Variants in CLCN6 observed in about 807,000 individuals in gnomAD.
CLCN6 encodes the protein H(+)/Cl(-) exchange transporter 6.
CLCN6 carries 70 observed loss-of-function variants against 109.8 expected under a neutral mutation model. That is an observed-to-expected ratio of 0.64 (90% CI 0.53 to 0.78). The LOEUF is 0.78. Ranked by LOEUF, CLCN6 falls within the 30% of genes least tolerant of loss-of-function variation. CLCN6 has a pLI of 0.00. For synonymous variants in CLCN6, 444 were observed against 447.8 expected (o/e 0.99, Z 0.11); for missense variants, 984 against 1,142.3 (o/e 0.86, Z 2.00).
At chr1:11,806,534 A>G (rs1431210403) in intron 1 of CLCN6, 185 bp downstream of exon 1, 4 of 492,006 alleles carry the variant, frequency 8.1e-6, no homozygotes, top group African/African-American at 2.0e-5. Context: ...GTCTTTTCTC[A>G]TAACCCCTCC....
intron 13 of CLCN6, 129 bp from the exon 14 acceptor site, chr1:11,833,386 C>G: frequency 1.3e-6 from 1 of 783,418 alleles, no homozygotes; most frequent in South Asian, 1.7e-5. Flanking sequence ...TGGTAGAGGT[C>G]AGTTTTTGGC....
intron 3 of CLCN6, among the ~76,000 whole-genome samples, 155 bp from the exon 4 acceptor site, chr1:11,816,460 T>C (rs1644673593): frequency 6.6e-6 from 1 of 152,224 alleles, no homozygotes; most frequent in South Asian, 2.1e-4. Context: ...GAGTCCATCA[T>C]TTTTGCACTG....
chr1:11,835,483 C>T (rs1644932250), intron 17 of CLCN6, among the ~76,000 whole-genome samples: 1 of 152,132 alleles, frequency 6.6e-6, no homozygotes, highest in African/African-American at 2.4e-5. Context: ...CTGTGTTGCC[C>T]AGGCTGGTTT....
chr1:11,828,647 C>A lies in CLCN6; in HGVS notation c.1121+23C>A, dbSNP rs115875677. ...CAGGTATCTGCACAGTCGCCTCCCCCCCGAGCCTGCTGCGGCTCCCTGAGC... is the reference window on the plus strand; with the variant it reads ...CAGGTATCTGCACAGTCGCCTCCCCACCGAGCCTGCTGCGGCTCCCTGAGC... On this transcript the variant is annotated intron_variant, in intron 12 of 22. Transcript: ENST00000346436. The A allele has an allele frequency of 3.2e-3, 4,981 of 1,574,034 alleles. 7 individuals are homozygous for A. Among genetic ancestry groups the A allele is most frequent in the Non-Finnish European group, 3.8e-3 (4,363 of 1,160,146 alleles).
At chr1:11,830,567 C>T (rs1389482804) in intron 13 of CLCN6, among the ~76,000 whole-genome samples, 1 of 151,380 alleles carries the variant, frequency 6.6e-6, no homozygotes, top group Admixed American at 6.6e-5. Flanking sequence ...CTTGAGCATC[C>T]CTGGATTTTG....
chr1:11,819,553 A>C lies in CLCN6; in HGVS notation c.345A>C (p.Thr115=), dbSNP rs751537921. ...FTQLKFGVVQ[T]SVEECSQKGC... ...AACTCAAGTTCGGAGTGGTACAGAC[A>C]TGTATCCTTTTCACGGTTCCTGGTG... The change falls in exon 5 of 23, where the codon ACA becomes ACC. Residue 115 remains threonine, a splice_region_variant and synonymous_variant. Coordinates refer to ENST00000346436, the MANE Select transcript of CLCN6 (RefSeq NM_001286.5). 1.9e-6 allele frequency: 3 copies of C among 1,613,950 alleles called. No individual in the cohort carries two copies. Among genetic ancestry groups the C allele is most frequent in the Non-Finnish European group, 2.5e-6 (3 of 1,179,944 alleles).
chr1:11,833,863 C>G lies in CLCN6; in HGVS notation c.1373-14C>G, dbSNP rs1406828904. ...CATCCGGTAGTGGGACTCAGGTTGG[C>G]TCTTCCCTTGCAGGTACTTTCAGCC... On this transcript the variant is annotated splice_polypyrimidine_tract_variant and intron_variant, in intron 14 of 22. Transcript: ENST00000346436. 1 of 1,605,686 alleles carries G rather than the reference C, an allele frequency of 6.2e-7. No homozygotes were observed. The highest frequency in any genetic ancestry group is 1.3e-5 in the African/African-American group (1 of 74,458).
At chr1:11,819,611 C>T in intron 5 of CLCN6, 57 bp downstream of exon 5, 2 of 1,486,924 alleles carry the variant, frequency 1.3e-6, no homozygotes, top group Admixed American at 3.3e-5. Flanking sequence ...AAGATTCTTT[C>T]TTACATAGAA....
In CLCN6 at chr1:11,840,285, C is replaced by T. The variant is rs1645003636; in HGVS notation, c.*62C>T. 7.1e-7 allele frequency: 1 copy of T among 1,411,116 alleles called. No homozygotes were observed. The highest frequency in any genetic ancestry group is 1.0e-6 in the Non-Finnish European group (1 of 1,004,104). 87.4% of individuals were successfully genotyped at this position (1,411,116 alleles called of 1,614,324 possible). The stretch of plus-strand genomic sequence containing the variant: ...GGCAAATCATGCTCACTCCGGCGGG[C>T]ACAGCTGGCTGGGGCTGTTCCGGGG... On this transcript the variant is annotated 3_prime_UTR_variant, in exon 23 of 23. Transcript: ENST00000346436.
chr1:11,838,871 G>A (rs549370031), intron 22 of CLCN6: 12 of 748,206 alleles, frequency 1.6e-5, no homozygotes, highest in African/African-American at 1.4e-4. Flanking sequence ...CCCACTGGCC[G>A]TCCTTTCCAG....
rs991740416 is a variant in CLCN6, at chr1:11,819,616, A to G, written c.346+62A>G. 4.1e-6 allele frequency: 6 copies of G among 1,454,994 alleles called. No homozygotes were observed. The African/African-American group carries it at 7.0e-5, about 17-fold the overall frequency. 90.1% of individuals were successfully genotyped at this position (1,454,994 alleles called of 1,614,324 possible). A position where few individuals can be genotyped will look rare whatever the true frequency, so the allele number is the denominator to read the frequency against. ...AGTGGTCACCAAGATTCTTTCTTACATAGAAATGGGTCTAACAGTAAGCAT... is the reference window on the plus strand; with the variant it reads ...AGTGGTCACCAAGATTCTTTCTTACGTAGAAATGGGTCTAACAGTAAGCAT... On this transcript the variant is annotated intron_variant, in intron 5 of 22. Coordinates refer to ENST00000346436, the MANE Select transcript of CLCN6 (RefSeq NM_001286.5).
chr1:11,838,713 G>C, intron 22 of CLCN6, 53 bp downstream of exon 22: 1 of 1,613,866 alleles, frequency 6.2e-7, no homozygotes, highest in Non-Finnish European at 8.5e-7. Flanking sequence ...CCCCTAGCCA[G>C]GTGCTGTTTG....
intron 13 of CLCN6, among the ~76,000 whole-genome samples, chr1:11,831,586 T>C (rs952906850): frequency 1.3e-5 from 2 of 152,254 alleles, no homozygotes; most frequent in Non-Finnish European, 2.9e-5. Flanking sequence ...TTACTAGTTA[T>C]TCCCAAGCCT....
chr1:11,838,594 C>G lies in CLCN6; in HGVS notation c.2463C>G (p.Ser821=). 1 of 1,613,886 alleles carries G rather than the reference C, an allele frequency of 6.2e-7. No homozygotes were observed. The highest frequency in any genetic ancestry group is 8.5e-7 in the Non-Finnish European group (1 of 1,179,756). ...CCGTCTCGCCCAACACCCACGTCTCCCAAGTCTTCAACCTGTTCAGAACGA... is the reference window on the plus strand; with the variant it reads ...CCGTCTCGCCCAACACCCACGTCTCGCAAGTCTTCAACCTGTTCAGAACGA... The part of the protein sequence containing the change: ...PFTVSPNTHV[S]QVFNLFRTMG... Residue 821 remains serine, a synonymous_variant, in exon 22 of 23, where the codon TCC becomes TCG. Coordinates refer to ENST00000346436, the MANE Select transcript of CLCN6 (RefSeq NM_001286.5).
At chr1:11,807,238 GGTCA>G in intron 2 of CLCN6, 48 bp downstream of exon 2, 1 of 1,507,920 alleles carries the variant, frequency 6.6e-7, no homozygotes, top group Non-Finnish European at 9.2e-7. Flanking sequence ...TGAGTGGCCT[GGTCA>G]CTTCAGGCCG....
In CLCN6 at chr1:11,843,049, A is replaced by G. The variant is rs188895394; in HGVS notation, c.*2826A>G. On this transcript the variant is annotated 3_prime_UTR_variant, in exon 23 of 23. Transcript: ENST00000346436. ...AAATTGTATTTTTTTTAATTTGTAA[A>G]ATGCTATTTTTATTTGAACCTTTGG... The G allele has an allele frequency of 1.3e-5, 2 of 152,286 alleles. No individual in the cohort carries two copies. The highest frequency in any genetic ancestry group is 3.9e-4 in the East Asian group (2 of 5,178). 9.4% of individuals were successfully genotyped at this position (152,286 alleles called of 1,614,324 possible). A position where few individuals can be genotyped will look rare whatever the true frequency, so the allele number is the denominator to read the frequency against.
chr1:11,820,422 A>T (rs778663519), intron 5 of CLCN6: 7 of 713,936 alleles, frequency 9.8e-6, no homozygotes, highest in South Asian at 7.4e-5. Flanking sequence ...ATATGTTGTC[A>T]AGAGTGGGGA....
intron 9 of CLCN6, among the ~76,000 whole-genome samples, chr1:11,826,535 G>T (rs1421871864): frequency 6.6e-6 from 1 of 152,200 alleles, no homozygotes; most frequent in Non-Finnish European, 1.5e-5. Flanking sequence ...TGATTCACTT[G>T]GTCAGCCACC....
intron 22 of CLCN6, chr1:11,838,951 T>A: frequency 1.4e-6 from 1 of 709,502 alleles, no homozygotes; most frequent in Non-Finnish European, 2.6e-6. Context: ...ACCACTGGTG[T>A]TCCTTGGTTC....
Sources: allele counts gnomAD v4.1 joint callset (sites outside exome capture counted in the v4.1 genomes callset), GRCh38; gene constraint gnomAD v4.1.1; transcripts MANE v1.5; gene names NCBI Gene and HGNC (gene_info 2026-07-23, HGNC 2026-07-21).